Variants in DCLK1 observed in about 807,000 individuals in gnomAD.
DCLK1 encodes doublecortin like kinase 1, also known as serine/threonine-protein kinase DCLK1.
DCLK1 carries 16 observed loss-of-function variants against 86.2 expected under a neutral mutation model. The observed-to-expected ratio is 0.19, with a 90% confidence interval of 0.13 to 0.28. DCLK1 has a LOEUF of 0.28. DCLK1 is among the 10% of genes least tolerant of loss of function. DCLK1 has a pLI of 1.00. For missense variants in DCLK1, 590 were observed against 940.2 expected (o/e 0.63, Z 4.87); for synonymous variants, 369 against 370.5 (o/e 1.00, Z 0.05).
At chr13:36,025,758 G>C (rs1451890718) in intron 3 of DCLK1, among the ~76,000 whole-genome samples, 1 of 152,030 alleles carries the variant, frequency 6.6e-6, no homozygotes, top group Non-Finnish European at 1.5e-5. Flanking sequence ...GAGAAAGATG[G>C]GACAGCTTTT....
intron 3 of DCLK1, among the ~76,000 whole-genome samples, chr13:36,087,259 A>G (rs1242947926): frequency 1.3e-5 from 2 of 152,178 alleles, no homozygotes; most frequent in Non-Finnish European, 2.9e-5. Context: ...GGCTGCATGA[A>G]TGTCTTCTTT....
At chr13:36,075,917 C>T (rs1426480673) in intron 3 of DCLK1, among the ~76,000 whole-genome samples, 1 of 152,030 alleles carries the variant, frequency 6.6e-6, no homozygotes, top group Non-Finnish European at 1.5e-5. Context: ...CCCAGCTACT[C>T]GGGAGGCTGA....
intron 3 of DCLK1, among the ~76,000 whole-genome samples, chr13:36,074,273 C>T (rs551149512): frequency 2.6e-5 from 4 of 151,752 alleles, no homozygotes; most frequent in South Asian, 4.2e-4. Context: ...GAGGCCGAGG[C>T]GGGCAGATCG....
intron 3 of DCLK1, among the ~76,000 whole-genome samples, chr13:36,096,076 A>G (rs1166804674): frequency 6.6e-6 from 1 of 152,180 alleles, no homozygotes; most frequent in Non-Finnish European, 1.5e-5. Flanking sequence ...GGTTTTTTGT[A>G]TGTAATTTTC....
chr13:35,853,040 G>A (rs895895953), intron 6 of DCLK1, among the ~76,000 whole-genome samples: 3 of 152,164 alleles, frequency 2.0e-5, no homozygotes, highest in Admixed American at 6.5e-5. Flanking sequence ...ATAGATTGAC[G>A]CCTCACTGGG....
At chr13:36,005,975 T>A (rs752051854) in intron 3 of DCLK1, among the ~76,000 whole-genome samples, 3 of 151,986 alleles carry the variant, frequency 2.0e-5, no homozygotes, top group Non-Finnish European at 4.4e-5. Context: ...TGAGAACACA[T>A]GGACACAGGG....
intron 3 of DCLK1, among the ~76,000 whole-genome samples, chr13:36,045,372 A>ATC (rs1405963739): frequency 0.06 from 7,822 of 129,618 alleles, 360 homozygotes; most frequent in East Asian, 0.16. Flanking sequence ...ATATATATAT[A>ATC]TATATTTCAA....
intron 4 of DCLK1, among the ~76,000 whole-genome samples, chr13:35,926,490 G>A (rs921557759): frequency 6.6e-6 from 1 of 152,210 alleles, no homozygotes; most frequent in African/African-American, 2.4e-5. Context: ...ATCTGAGTTT[G>A]CTAAGCATTG....
intron 3 of DCLK1, among the ~76,000 whole-genome samples, chr13:35,965,289 A>T (rs542383327): frequency 6.6e-6 from 1 of 152,326 alleles, no homozygotes; most frequent in South Asian, 2.1e-4. Context: ...ACTCTGTTTG[A>T]TCAATGAGCC....
chr13:35,997,768 A>G (rs1880535173), intron 3 of DCLK1, among the ~76,000 whole-genome samples: 1 of 152,234 alleles, frequency 6.6e-6, no homozygotes, highest in Non-Finnish European at 1.5e-5. Context: ...TATGCTTCTC[A>G]TGGATTAACT....
intron 3 of DCLK1, among the ~76,000 whole-genome samples, chr13:36,085,727 C>A (rs994926456): frequency 6.6e-6 from 1 of 152,094 alleles, no homozygotes; most frequent in Non-Finnish European, 1.5e-5. Flanking sequence ...TACCAGTCTG[C>A]CATTAAGCAT....
intron 4 of DCLK1, among the ~76,000 whole-genome samples, chr13:35,891,573 C>T (rs918635164): frequency 3.3e-5 from 5 of 152,152 alleles, no homozygotes; most frequent in Non-Finnish European, 7.3e-5. Flanking sequence ...TGCGAATGTA[C>T]TAAAAACCAT....
chr13:35,886,948 C>T (rs920643883), intron 4 of DCLK1, among the ~76,000 whole-genome samples: 2 of 152,186 alleles, frequency 1.3e-5, no homozygotes, highest in African/African-American at 4.8e-5. Context: ...TTCTAAGCTT[C>T]CCCATGGCCA....
At chr13:35,820,303 T>C (rs1170287721) in intron 11 of DCLK1, among the ~76,000 whole-genome samples, 2 of 152,226 alleles carry the variant, frequency 1.3e-5, no homozygotes, top group African/African-American at 2.4e-5. Context: ...TAGTTTTTCA[T>C]ATAGATATTT....
intron 4 of DCLK1, among the ~76,000 whole-genome samples, chr13:35,874,849 A>G (rs1433565669): frequency 6.6e-6 from 1 of 152,198 alleles, no homozygotes; most frequent in Non-Finnish European, 1.5e-5. Context: ...CTGACAACAC[A>G]TCCTGGAGTT....
rs918572748 is a variant in DCLK1, at chr13:35,800,086, G to A, written c.1944+5613C>T. Among the ~76,000 whole-genome samples the A allele has an allele frequency of 4.6e-5, 7 of 152,348 alleles. No individual in the cohort carries two copies. In the South Asian group the frequency reaches 1.0e-3, roughly 23 times the overall value. ...ATCTGTGACACACAAACAGGATCATGTTGGGGGATGACAGTCTTTCTTCCT... is the reference window on the plus strand; with the variant it reads ...ATCTGTGACACACAAACAGGATCATATTGGGGGATGACAGTCTTTCTTCCT... On this transcript the variant is annotated intron_variant, in intron 15 of 16. Transcript: ENST00000360631.
At chr13:35,892,995 AAC>A (rs1873734849) in intron 4 of DCLK1, among the ~76,000 whole-genome samples, 1 of 152,250 alleles carries the variant, frequency 6.6e-6, no homozygotes, top group African/African-American at 2.4e-5. Flanking sequence ...ACAGCACACA[AAC>A]ACAAATTGAT....
rs1173947437 is a variant in DCLK1, at chr13:35,772,930, T to C, written c.*1605A>G. 2.0e-5 allele frequency: 3 copies of C among 152,184 alleles called. No individual in the cohort carries two copies. Among genetic ancestry groups the C allele is most frequent in the Non-Finnish European group, 4.4e-5 (3 of 68,038 alleles). 9.4% of individuals were successfully genotyped at this position (152,184 alleles called of 1,614,324 possible). On this transcript the variant is annotated 3_prime_UTR_variant, in exon 17 of 17. Coordinates refer to ENST00000360631, the MANE Select transcript of DCLK1 (RefSeq NM_001330071.2). ...TCACAAATTTTAAGACTCTCAGGTA[T>C]TAAAGTATATTCAAAACAGAGAACA...
At chr13:35,808,110 G>A (rs1197200082) in intron 14 of DCLK1, 114 bp downstream of exon 14, 2 of 1,018,684 alleles carry the variant, frequency 2.0e-6, no homozygotes, top group South Asian at 1.4e-5. Flanking sequence ...CAACTAAAAT[G>A]TGTACAGAAA....
Sources: gnomAD v4.1 joint callset for allele counts (sites outside exome capture counted in the v4.1 genomes callset) on GRCh38, gnomAD v4.1.1 for gene constraint, MANE v1.5 for transcripts, NCBI Gene and HGNC (gene_info 2026-07-23, HGNC 2026-07-21) for gene names.